LRFN5: variants seen among roughly 807,000 people sequenced by gnomAD.
LRFN5 encodes the protein leucine rich repeat and fibronectin type III domain containing 5, also known as leucine-rich repeat and fibronectin type-III domain-containing protein 5.
Under a neutral mutation model 45.6 loss-of-function variants are expected in LRFN5, and 24 were observed. The observed-to-expected ratio is 0.53, with a 90% CI of 0.38 to 0.74. LRFN5 has a LOEUF of 0.74. LRFN5 is among the 30% of genes least tolerant of loss of function. LRFN5 has a pLI of 0.00. For synonymous variants in LRFN5, 340 were observed against 313.8 expected (o/e 1.08, Z -0.88); for missense variants, 776 against 861.5 (o/e 0.90, Z 1.24).
chr14:41,613,162 A>C (rs945595539), intron 1 of LRFN5, among the ~76,000 whole-genome samples: 2 of 152,124 alleles, frequency 1.3e-5, no homozygotes, highest in Non-Finnish European at 2.9e-5. Context: ...AATATTTCTC[A>C]GAAATTGGTT....
At chr14:41,771,368 G>A (rs573115572) in intron 2 of LRFN5, among the ~76,000 whole-genome samples, 63 of 151,882 alleles carry the variant, frequency 4.1e-4, no homozygotes, top group African/African-American at 1.4e-3. Context: ...TTGCTCCATC[G>A]GTTCTTTATA....
At chr14:41,616,549 G>A (rs1887930716) in intron 1 of LRFN5, among the ~76,000 whole-genome samples, 1 of 152,066 alleles carries the variant, frequency 6.6e-6, no homozygotes, top group Non-Finnish European at 1.5e-5. Context: ...TAAAATTGAT[G>A]ATTAAGCTCC....
intron 1 of LRFN5, among the ~76,000 whole-genome samples, chr14:41,713,802 ATT>A (rs1270990343): frequency 2.6e-5 from 4 of 152,144 alleles, no homozygotes; most frequent in Non-Finnish European, 4.4e-5. Flanking sequence ...TCCTGAAACA[ATT>A]TGTCATTATC....
chr14:41,775,922 G>C (rs1484197407), intron 2 of LRFN5, among the ~76,000 whole-genome samples: 1 of 152,174 alleles, frequency 6.6e-6, no homozygotes, highest in African/African-American at 2.4e-5. Flanking sequence ...TTACTAAAAA[G>C]TGGTTCTAAA....
chr14:41,871,669 G>T (rs566109245), intron 2 of LRFN5, among the ~76,000 whole-genome samples: 28 of 152,126 alleles, frequency 1.8e-4, no homozygotes, highest in Admixed American at 1.6e-3. Flanking sequence ...TTGCAAAGCA[G>T]CCGTATCTAT....
intron 1 of LRFN5, among the ~76,000 whole-genome samples, chr14:41,719,436 G>A (rs1037512757): frequency 4.0e-5 from 6 of 151,896 alleles, no homozygotes; most frequent in African/African-American, 2.4e-5. Flanking sequence ...TTATACATAT[G>A]TATATTTTAA....
At chr14:41,796,578 G>A (rs964137321) in intron 2 of LRFN5, among the ~76,000 whole-genome samples, 4 of 151,728 alleles carry the variant, frequency 2.6e-5, no homozygotes, top group East Asian at 1.9e-4. Flanking sequence ...TATGTTATAA[G>A]TACTTTAGTA....
At chr14:41,701,346 T>G (rs1363785327) in intron 1 of LRFN5, 1 of 152,184 alleles carries the variant, frequency 6.6e-6, no homozygotes, top group Non-Finnish European at 1.5e-5. Flanking sequence ...TTGAAAGTAA[T>G]TATTATACCA....
At chr14:41,610,052 G>A (rs1887681162) in intron 1 of LRFN5, 1 of 152,574 alleles carries the variant, frequency 6.6e-6, no homozygotes, top group Non-Finnish European at 1.5e-5. Context: ...GCGGGCTTTG[G>A]GGGCTGGGCT....
intron 1 of LRFN5, among the ~76,000 whole-genome samples, chr14:41,653,102 A>G (rs917047039): frequency 1.1e-4 from 17 of 152,124 alleles, no homozygotes; most frequent in African/African-American, 4.1e-4. Context: ...ATTTTCTCCC[A>G]TTCTACAGGT....
chr14:41,716,937 G>A (rs922410900), intron 1 of LRFN5, among the ~76,000 whole-genome samples: 15 of 152,188 alleles, frequency 9.9e-5, no homozygotes, highest in African/African-American at 3.4e-4. Flanking sequence ...GCCCACCATG[G>A]AATCCTTGTT....
At chr14:41,668,140 AG>A (rs1356444217) in intron 1 of LRFN5, among the ~76,000 whole-genome samples, 1 of 152,176 alleles carries the variant, frequency 6.6e-6, no homozygotes, top group Admixed American at 6.6e-5. Flanking sequence ...AATAGCATAT[AG>A]TGATTGCTGT....
intron 1 of LRFN5, among the ~76,000 whole-genome samples, chr14:41,723,247 C>T (rs1427139822): frequency 6.6e-6 from 1 of 152,128 alleles, no homozygotes; most frequent in South Asian, 2.1e-4. Context: ...AGGATCTCTG[C>T]ACAGAAAGGG....
chr14:41,897,463 T>TA (rs1890978444), intron 4 of LRFN5, among the ~76,000 whole-genome samples: 1 of 152,062 alleles, frequency 6.6e-6, no homozygotes, highest in African/African-American at 2.4e-5. Context: ...TTTGTATAAA[T>TA]ATATATGTGC....
At chr14:41,665,378 T>C (rs116982352) in intron 1 of LRFN5, among the ~76,000 whole-genome samples, 1,739 of 152,122 alleles carry the variant, frequency 0.011, 13 homozygotes, top group Middle Eastern at 0.024. Flanking sequence ...AACATTCAGA[T>C]AATTTATAGA....
intron 1 of LRFN5, among the ~76,000 whole-genome samples, chr14:41,672,550 G>A (rs1258404228): frequency 6.6e-6 from 1 of 152,142 alleles, no homozygotes; most frequent in Non-Finnish European, 1.5e-5. Flanking sequence ...TCTTTCAGAA[G>A]TAGACTATTA....
In LRFN5 at chr14:41,891,935, A is replaced by G; in HGVS notation, c.2071A>G (p.Thr691Ala). 1 of 1,613,940 alleles carries G rather than the reference A, an allele frequency of 6.2e-7. No individual in the cohort carries two copies. The change falls in exon 4 of 6, where the codon ACG (threonine) becomes GCG (alanine). Residue 691 changes from threonine to alanine, a missense_variant. This residue lies in a region of LRFN5 where 465 missense variants were observed against 456.4 expected (regional missense o/e 1.02). Transcript: ENST00000298119. The part of the protein sequence containing the change: ...RPPDSVTEGP[T>A]SKRAHIKPNA... ...TCCCGATTCTGTCACAGAGGGGCCC[A>G]CGTCTAAAAGAGCACATATAAAGCC...
At chr14:41,860,030 T>C (rs1297094809) in intron 2 of LRFN5, among the ~76,000 whole-genome samples, 1 of 152,184 alleles carries the variant, frequency 6.6e-6, no homozygotes, top group Non-Finnish European at 1.5e-5. Context: ...GCTTAACTTT[T>C]TTCCAAATAT....
intron 1 of LRFN5, among the ~76,000 whole-genome samples, chr14:41,629,094 A>G (rs1029633184): frequency 1.3e-5 from 2 of 152,068 alleles, no homozygotes; most frequent in Admixed American, 6.5e-5. Context: ...AAGATGCCAT[A>G]TGTCTCTACA....
Sources: gnomAD v4.1 joint callset for allele counts (sites outside exome capture counted in the v4.1 genomes callset) on GRCh38, gnomAD v4.1.1 for gene constraint, gnomAD v4.1.1 regional missense constraint, MANE v1.5 for transcripts, NCBI Gene and HGNC (gene_info 2026-07-23, HGNC 2026-07-21) for gene names.